The following PMS1 variants were observed in gnomAD, a reference collection of about 807,000 sequenced individuals.
The protein encoded by PMS1 is PMS1 homolog 1, mismatch repair system component, also known as PMS1 protein homolog 1.
PMS1 carries 79 observed loss-of-function variants against 93.1 expected under a neutral mutation model. The ratio of observed to expected loss-of-function variants is 0.85; its 90% CI spans 0.71 to 1.02. The LOEUF (loss-of-function observed/expected upper bound fraction) is 1.02, where lower values mean the gene tolerates loss of function less well. Ranked by LOEUF, PMS1 falls within the 50% of genes least tolerant of loss-of-function variation. The probability of loss-of-function intolerance (pLI) is 0.00; values close to 1 mark genes in which losing one functional copy is unlikely to be tolerated. For missense variants in PMS1, 1,064 were observed against 1,085.3 expected (o/e 0.98, Z 0.28); for synonymous variants, 335 against 363.4 (o/e 0.92, Z 0.89).
chr2:189,846,926 A>G (rs2054302060), intron 6 of PMS1, among the ~76,000 whole-genome samples: 1 of 150,294 alleles, frequency 6.7e-6, no homozygotes, highest in Non-Finnish European at 1.5e-5. Context: ...CAGTGGTGCA[A>G]TCTCGGCTCA....
At chr2:189,821,856 A>C (rs998338831) in intron 5 of PMS1, among the ~76,000 whole-genome samples, 2 of 152,246 alleles carry the variant, frequency 1.3e-5, no homozygotes, top group African/African-American at 4.8e-5. Flanking sequence ...TTATTACTTC[A>C]CGTGATAAAA....
At chr2:189,865,920 T>C (rs2106523117) in intron 10 of PMS1, among the ~76,000 whole-genome samples, 1 of 152,292 alleles carries the variant, frequency 6.6e-6, no homozygotes. Flanking sequence ...GTTAAAACTC[T>C]TGTTAAAGAC....
intron 4 of PMS1, among the ~76,000 whole-genome samples, chr2:189,817,098 TG>T (rs1191103749): frequency 6.6e-6 from 1 of 152,236 alleles, no homozygotes; most frequent in Non-Finnish European, 1.5e-5. Flanking sequence ...AGGATGCTAC[TG>T]GCATCTAGTG....
chr2:189,818,331 T>C (rs996561838), intron 5 of PMS1, 151 bp downstream of exon 5: 2 of 609,204 alleles, frequency 3.3e-6, no homozygotes, highest in Non-Finnish European at 5.9e-6. Flanking sequence ...TGTGATGTTA[T>C]TAGGGCATGG....
At chr2:189,802,910 G>A (rs879417173) in intron 3 of PMS1, among the ~76,000 whole-genome samples, 2 of 152,168 alleles carry the variant, frequency 1.3e-5, no homozygotes, top group Admixed American at 6.5e-5. Flanking sequence ...ACAGGTGATG[G>A]AACTCTATTG....
chr2:189,862,887 A>G (rs1019929207), intron 9 of PMS1, among the ~76,000 whole-genome samples: 4 of 152,202 alleles, frequency 2.6e-5, no homozygotes, highest in African/African-American at 9.7e-5. Context: ...TGTTCAGCTC[A>G]TTTAGCCTTC....
intron 5 of PMS1, among the ~76,000 whole-genome samples, chr2:189,838,812 G>A (rs185537741): frequency 5.9e-5 from 9 of 152,272 alleles, no homozygotes; most frequent in African/African-American, 1.9e-4. Flanking sequence ...TCACTGACTT[G>A]CATTCCACCG....
intron 2 of PMS1, 63 bp downstream of exon 2, chr2:189,792,004 C>T: frequency 7.2e-7 from 1 of 1,383,746 alleles, no homozygotes. Flanking sequence ...CACATGTTTT[C>T]TCCTTAAACT....
chr2:189,815,702 G>A (rs1000031957), intron 4 of PMS1, among the ~76,000 whole-genome samples: 6 of 152,076 alleles, frequency 3.9e-5, no homozygotes, highest in East Asian at 1.9e-4. Flanking sequence ...GAGAAGGAAC[G>A]GACTAATACA....
At chr2:189,846,264 C>T (rs1559292699) in intron 6 of PMS1, among the ~76,000 whole-genome samples, 1 of 152,000 alleles carries the variant, frequency 6.6e-6, no homozygotes, top group Non-Finnish European at 1.5e-5. Flanking sequence ...GTAATCCCAG[C>T]ACTTTGGGAA....
intron 6 of PMS1, among the ~76,000 whole-genome samples, chr2:189,850,505 GAAAT>G (rs957061292): frequency 7.9e-5 from 12 of 152,152 alleles, no homozygotes; most frequent in African/African-American, 2.2e-4. Context: ...ACTGGGGAGT[GAAAT>G]AAATAGCAGC....
At chr2:189,847,508 G>A (rs1178900127) in intron 6 of PMS1, among the ~76,000 whole-genome samples, 1 of 150,770 alleles carries the variant, frequency 6.6e-6, no homozygotes, top group Non-Finnish European at 1.5e-5. Context: ...ATTTTTTATT[G>A]CTTTTTTATA....
chr2:189,789,676 T>G (rs1322204954), intron 1 of PMS1, among the ~76,000 whole-genome samples: 1 of 152,182 alleles, frequency 6.6e-6, no homozygotes, highest in Non-Finnish European at 1.5e-5. Flanking sequence ...AATCCTAAAC[T>G]GATGACTTTT....
chr2:189,876,493 T>G (rs547178934), intron 12 of PMS1, among the ~76,000 whole-genome samples: 1 of 152,352 alleles, frequency 6.6e-6, no homozygotes, highest in Admixed American at 6.5e-5. Flanking sequence ...TTCCTTTTCT[T>G]GTTCCTCTTT....
At chr2:189,796,534 T>C (rs1012249625) in intron 3 of PMS1, among the ~76,000 whole-genome samples, 4 of 152,092 alleles carry the variant, frequency 2.6e-5, no homozygotes, top group African/African-American at 4.8e-5. Flanking sequence ...TAATGCCTTT[T>C]CCCCCCATCC....
intron 9 of PMS1, among the ~76,000 whole-genome samples, chr2:189,857,018 C>T (rs886716745): frequency 6.6e-6 from 1 of 152,048 alleles, no homozygotes; most frequent in African/African-American, 2.4e-5. Flanking sequence ...TGAAGCTTCA[C>T]CTGGATTCTA....
At chr2:189,787,676 A>G in intron 1 of PMS1, among the ~76,000 whole-genome samples, 1 of 152,062 alleles carries the variant, frequency 6.6e-6, no homozygotes, top group East Asian at 1.9e-4. Context: ...GTTCTGTTGA[A>G]CAGTGCTGGA....
chr2:189,846,863 CTTTTTTTTT>C (rs751908829), intron 6 of PMS1, among the ~76,000 whole-genome samples: 2 of 137,742 alleles, frequency 1.5e-5, no homozygotes, highest in South Asian at 2.3e-4. Flanking sequence ...TCTTTTTTTT[CTTTTTTTTT>C]TTTTTCTGAG....
chr2:189,871,595 A>G (rs2057152913), intron 11 of PMS1, among the ~76,000 whole-genome samples: 1 of 152,200 alleles, frequency 6.6e-6, no homozygotes, highest in Non-Finnish European at 1.5e-5. Flanking sequence ...CCATTTAACC[A>G]GTTTCTAAGA....
Sources: allele counts gnomAD v4.1 joint callset (sites outside exome capture counted in the v4.1 genomes callset), GRCh38; gene constraint gnomAD v4.1.1; transcripts MANE v1.5; gene names NCBI Gene and HGNC (gene_info 2026-07-23, HGNC 2026-07-21).